Variants in NAALADL2 observed in about 807,000 individuals in gnomAD.
NAALADL2 encodes N-acetylated alpha-linked acidic dipeptidase like 2, also known as inactive N-acetylated-alpha-linked acidic dipeptidase-like protein 2.
Under a neutral mutation model 87.2 loss-of-function variants are expected in NAALADL2, and 76 were observed. The observed-to-expected ratio is 0.87, with a 90% CI of 0.72 to 1.05. The LOEUF is 1.05. NAALADL2 is among the 50% of genes least tolerant of loss of function. NAALADL2 has a pLI of 0.00. For synonymous variants in NAALADL2, 354 were observed against 331.0 expected (o/e 1.07, Z -0.75); for missense variants, 1,089 against 945.8 (o/e 1.15, Z -1.99).
intron 1 of NAALADL2, among the ~76,000 whole-genome samples, chr3:175,030,915 C>G (rs1203974994): frequency 6.6e-6 from 1 of 151,858 alleles, no homozygotes; most frequent in African/African-American, 2.4e-5. Context: ...TTTGCAGATA[C>G]TACTTTTTTA....
intron 2 of NAALADL2, among the ~76,000 whole-genome samples, chr3:174,566,873 CTTTT>C (rs1714344911): frequency 6.6e-6 from 1 of 151,082 alleles, no homozygotes; most frequent in Admixed American, 6.6e-5. Flanking sequence ...CCATGATTAA[CTTTT>C]TTAAGAAAAC....
At chr3:174,494,711 G>T (rs1224397623) in intron 1 of NAALADL2, among the ~76,000 whole-genome samples, 3 of 151,926 alleles carry the variant, frequency 2.0e-5, no homozygotes, top group Non-Finnish European at 4.4e-5. Context: ...AAAGAGGAAG[G>T]TATGAGTTGG....
intron 11 of NAALADL2, among the ~76,000 whole-genome samples, chr3:175,647,324 G>A (rs962891764): frequency 1.3e-5 from 2 of 151,982 alleles, no homozygotes; most frequent in Admixed American, 6.6e-5. Flanking sequence ...GATTCAGTGG[G>A]TACATGTGCA....
chr3:175,175,556 T>C (rs948660273), intron 2 of NAALADL2, among the ~76,000 whole-genome samples: 1 of 152,104 alleles, frequency 6.6e-6, no homozygotes, highest in African/African-American at 2.4e-5. Flanking sequence ...CATCACACTC[T>C]ATTGTGAATA....
rs533910989 is a variant in NAALADL2 at position 175,032,391 on chromosome 3, AT to A, written c.44-64397del. On this transcript the variant is annotated intron_variant, in intron 1 of 13. Coordinates refer to ENST00000454872, the MANE Select transcript of NAALADL2 (RefSeq NM_207015.3). ...GTAAGCTCTATTAAGCCTTGAGTAA[AT>A]TCAGTGATTTCTTTTTTTATATCAA... Among the ~76,000 whole-genome samples the A allele has an allele frequency of 1.1e-3, 166 of 152,166 alleles. 1 individual carries two copies. Among genetic ancestry groups the A allele is most frequent in the African/African-American group, 3.9e-3 (162 of 41,540 alleles).
intron 3 of NAALADL2, among the ~76,000 whole-genome samples, chr3:174,837,343 C>T (rs145499210): frequency 2.1e-4 from 32 of 152,236 alleles, no homozygotes; most frequent in African/African-American, 7.5e-4. Flanking sequence ...TACAAAAGAT[C>T]GTTCAAGGCT....
intron 2 of NAALADL2, among the ~76,000 whole-genome samples, chr3:175,145,261 T>C (rs1394906785): frequency 6.6e-6 from 1 of 152,056 alleles, no homozygotes; most frequent in East Asian, 1.9e-4. Context: ...GCAGTGCCCA[T>C]TGGCTTGGTA....
intron 1 of NAALADL2, among the ~76,000 whole-genome samples, chr3:175,091,131 T>A (rs1009082207): frequency 2.6e-5 from 4 of 152,134 alleles, no homozygotes; most frequent in Non-Finnish European, 4.4e-5. Context: ...TTTATTTGTA[T>A]AAAGTAGGTT....
chr3:175,034,554 C>T (rs575673760), intron 1 of NAALADL2, among the ~76,000 whole-genome samples: 61 of 152,214 alleles, frequency 4.0e-4, no homozygotes, highest in African/African-American at 1.3e-3. Flanking sequence ...CTTCCCCTGG[C>T]CACACTTTCT....
At chr3:175,756,785 C>T (rs766927525) in intron 13 of NAALADL2, among the ~76,000 whole-genome samples, 12 of 151,946 alleles carry the variant, frequency 7.9e-5, no homozygotes, top group Non-Finnish European at 1.3e-4. Flanking sequence ...CAAACCTGCA[C>T]ATATACCTCC....
intron 1 of NAALADL2, among the ~76,000 whole-genome samples, chr3:174,955,351 A>AT (rs1422128424): frequency 1.3e-5 from 2 of 152,048 alleles, no homozygotes; most frequent in Non-Finnish European, 2.9e-5. Context: ...TCACAGACTG[A>AT]TTTTCTGGGG....
rs1553855424 is a variant in NAALADL2, at chr3:174,787,601, A to ATATATATATATATATATATATATATATG, written c.-9+49875_-9+49876insTATATATGTATATATATATATATATATA. Among the ~76,000 whole-genome samples, 68 of 91,184 alleles carry ATATATATATATATATATATATATATATG rather than the reference A, an allele frequency of 7.5e-4. 1 individual carries two copies. Among genetic ancestry groups the ATATATATATATATATATATATATATATG allele is most frequent in the Non-Finnish European group, 9.3e-4 (40 of 42,978 alleles). 59.8% of individuals were successfully genotyped at this position (91,184 alleles called of 152,430 possible). A position where few individuals can be genotyped will look rare whatever the true frequency, so the allele number is the denominator to read the frequency against. On this transcript the variant is annotated intron_variant, in intron 3 of 3. Transcript: ENST00000434257. ...CATATATATATATATATATATATAT[A>ATATATATATATATATATATATATATATG]TATATATATATATATATATAGTAGT...
At chr3:175,392,924 A>T (rs149200912) in intron 5 of NAALADL2, among the ~76,000 whole-genome samples, 158 of 152,320 alleles carry the variant, frequency 1.0e-3, no homozygotes, top group African/African-American at 3.7e-3. Context: ...AGAAAAGACT[A>T]CAAATCAAAA....
intron 2 of NAALADL2, among the ~76,000 whole-genome samples, chr3:175,214,007 T>C (rs1054531126): frequency 6.6e-6 from 1 of 152,080 alleles, no homozygotes; most frequent in Non-Finnish European, 1.5e-5. Context: ...GGGAAGAAAA[T>C]TTTTGTGAAA....
intron 1 of NAALADL2, among the ~76,000 whole-genome samples, chr3:175,045,210 A>G (rs1754527267): frequency 6.6e-6 from 1 of 152,052 alleles, no homozygotes; most frequent in Non-Finnish European, 1.5e-5. Flanking sequence ...TGATATAACT[A>G]AGTTTAAGTC....
chr3:175,201,020 A>C (rs1739940316), intron 2 of NAALADL2, among the ~76,000 whole-genome samples: 1 of 151,836 alleles, frequency 6.6e-6, no homozygotes, highest in African/African-American at 2.4e-5. Flanking sequence ...CCTTCTCAAA[A>C]CTCTCATATA....
chr3:175,108,047 T>C (rs1309790284), intron 2 of NAALADL2, among the ~76,000 whole-genome samples: 1 of 151,956 alleles, frequency 6.6e-6, no homozygotes, highest in African/African-American at 2.4e-5. Flanking sequence ...GAAATCAGTT[T>C]CTGTCTTCAG....
intron 1 of NAALADL2, among the ~76,000 whole-genome samples, chr3:174,513,246 G>T (rs548372146): frequency 6.6e-6 from 1 of 152,104 alleles, no homozygotes; most frequent in South Asian, 2.1e-4. Flanking sequence ...ACTTCCCTGG[G>T]TGTGGCGTGA....
Position 175,471,670 on chromosome 3 carries a change from T to C in NAALADL2, c.1565T>C (p.Val522Ala). Reference protein sequence around the residue: ...DFKKVLQKNVVAYISLHSPIR... With the variant: ...DFKKVLQKNVAAYISLHSPIR... ...AAGAAGGTTCTTCAGAAAAATGTTGTGGCTTATATTAGCCTCCACAGTCCC... is the reference window on the plus strand; with the variant it reads ...AAGAAGGTTCTTCAGAAAAATGTTGCGGCTTATATTAGCCTCCACAGTCCC... The change falls in exon 9 of 14, where the codon GTG becomes GCG. Residue 522 changes from valine (V) to alanine (A), a missense_variant. Val to Ala is a moderately conservative substitution (Grantham distance 64). Coordinates refer to ENST00000454872, the MANE Select transcript of NAALADL2 (RefSeq NM_207015.3). The C allele has an allele frequency of 6.5e-7, 1 of 1,546,748 alleles. No homozygotes were observed. Among genetic ancestry groups the C allele is most frequent in the Non-Finnish European group, 8.9e-7 (1 of 1,122,650 alleles).
Sources: gnomAD v4.1 joint callset for allele counts (sites outside exome capture counted in the v4.1 genomes callset) on GRCh38, gnomAD v4.1.1 for gene constraint, MANE v1.5 for transcripts, NCBI Gene and HGNC (gene_info 2026-07-23, HGNC 2026-07-21) for gene names.